TP63: variants seen among roughly 807,000 people sequenced by gnomAD.
TP63 encodes tumor protein p63.
TP63 carries 17 observed loss-of-function variants against 82.8 expected under a neutral mutation model. That is an observed-to-expected ratio of 0.21 (90% CI 0.14 to 0.31). The LOEUF is 0.31. Among genes scored for constraint, TP63 ranks in the 10% least tolerant of loss-of-function variants. TP63 has a pLI of 1.00. For synonymous variants in TP63, 330 were observed against 321.7 expected, an observed-to-expected ratio of 1.03 and a Z score of -0.28; for missense variants, 648 against 895.3, an observed-to-expected ratio of 0.72 and a Z score of 3.52.
chr3:189,745,356 G>T (rs1290238983), intron 3 of TP63, among the ~76,000 whole-genome samples: 2 of 152,090 alleles, frequency 1.3e-5, no homozygotes, highest in Non-Finnish European at 2.9e-5. Flanking sequence ...AGCAATAGAA[G>T]TCAGAAAGAT....
the TP63 span, among the ~76,000 whole-genome samples, chr3:189,604,321 A>G: frequency 6.6e-6 from 1 of 152,224 alleles, no homozygotes; most frequent in African/African-American, 2.4e-5. Flanking sequence ...AGAGGTGCTC[A>G]TTAAATTCTA....
chr3:189,680,346 A>G (rs1355120068), intron 1 of TP63, among the ~76,000 whole-genome samples: 1 of 151,956 alleles, frequency 6.6e-6, no homozygotes, highest in Non-Finnish European at 1.5e-5. Flanking sequence ...TTTTATTTTT[A>G]TACTATTTTA....
chr3:189,731,405 G>C (rs1465008657), intron 1 of TP63, among the ~76,000 whole-genome samples: 1 of 152,066 alleles, frequency 6.6e-6, no homozygotes, highest in African/African-American at 2.4e-5. Flanking sequence ...GTGAACCAGT[G>C]AACCAGTTCT....
intron 4 of TP63, among the ~76,000 whole-genome samples, chr3:189,836,388 G>A (rs553585237): frequency 1.2e-4 from 18 of 152,238 alleles, no homozygotes; most frequent in African/African-American, 4.3e-4. Flanking sequence ...CTAGCATGGG[G>A]ACTTGTAGGC....
chr3:189,822,770 A>G (rs1264293960), intron 4 of TP63, among the ~76,000 whole-genome samples: 1 of 152,206 alleles, frequency 6.6e-6, no homozygotes, highest in East Asian at 1.9e-4. Flanking sequence ...CATCAGTTGT[A>G]TAGAGCTCCT....
intron 4 of TP63, among the ~76,000 whole-genome samples, chr3:189,810,361 AC>A (rs1332527304): frequency 6.6e-6 from 1 of 152,200 alleles, no homozygotes; most frequent in Non-Finnish European, 1.5e-5. Context: ...GCTAACAGTT[AC>A]TAATTCAGTT....
intron 1 of TP63, among the ~76,000 whole-genome samples, chr3:189,722,086 T>G (rs1719435794): frequency 6.6e-6 from 1 of 151,512 alleles, no homozygotes; most frequent in Non-Finnish European, 1.5e-5. Context: ...AAGAGGAGAG[T>G]AGGAAAGGAG....
At chr3:189,693,268 A>T (rs900887400) in intron 1 of TP63, among the ~76,000 whole-genome samples, 4 of 152,202 alleles carry the variant, frequency 2.6e-5, no homozygotes, top group Admixed American at 2.6e-4. Flanking sequence ...ATTTAAACTA[A>T]TTCTTCCAAT....
At chr3:189,866,062 C>A (rs953580922) in intron 5 of TP63, among the ~76,000 whole-genome samples, 1 of 152,158 alleles carries the variant, frequency 6.6e-6, no homozygotes, top group African/African-American at 2.4e-5. Context: ...TGGAGCTCTG[C>A]TAAATATCAC....
chr3:189,824,522 C>T (rs1322973473), intron 4 of TP63, among the ~76,000 whole-genome samples: 2 of 152,104 alleles, frequency 1.3e-5, no homozygotes, highest in East Asian at 1.9e-4. Flanking sequence ...AGTGAGCCAC[C>T]GTGCCTAGCC....
At chr3:189,746,820 TAC>T (rs749639985) in intron 3 of TP63, among the ~76,000 whole-genome samples, 12 of 149,422 alleles carry the variant, frequency 8.0e-5, no homozygotes, top group South Asian at 2.1e-4. Context: ...ATATTTTATA[TAC>T]ACACACACAC....
intron 4 of TP63, among the ~76,000 whole-genome samples, chr3:189,823,487 A>C (rs929088401): frequency 2.0e-5 from 3 of 152,194 alleles, no homozygotes; most frequent in African/African-American, 7.2e-5. Flanking sequence ...CTGAGCACTC[A>C]GTCGGTGATG....
chr3:189,723,363 T>G (rs1430404823), intron 1 of TP63, among the ~76,000 whole-genome samples: 2 of 152,194 alleles, frequency 1.3e-5, no homozygotes, highest in Non-Finnish European at 2.9e-5. Flanking sequence ...AGCATTTTTC[T>G]TATCTATTAA....
At chr3:189,674,740 A>G (rs919427185) in intron 1 of TP63, among the ~76,000 whole-genome samples, 2 of 152,174 alleles carry the variant, frequency 1.3e-5, no homozygotes, top group Non-Finnish European at 2.9e-5. Context: ...AGATATACAC[A>G]TAAAATGAGC....
intron 9 of TP63, among the ~76,000 whole-genome samples, chr3:189,869,627 G>A (rs1167539159): frequency 3.3e-5 from 5 of 152,040 alleles, no homozygotes; most frequent in Admixed American, 6.6e-5. Flanking sequence ...CTATGGTCGG[G>A]TTCTGGTGAG....
At chr3:189,630,536 A>G (rs1264845843), upstream of TP63, among the ~76,000 whole-genome samples, 2 of 152,164 alleles carry the variant, frequency 1.3e-5, no homozygotes, top group African/African-American at 4.8e-5. Flanking sequence ...TGTAAGACAT[A>G]AAGAATAGAG....
At chr3:189,888,472 C>T (rs1348552578) in intron 11 of TP63, among the ~76,000 whole-genome samples, 1 of 152,020 alleles carries the variant, frequency 6.6e-6, no homozygotes, top group Non-Finnish European at 1.5e-5. Flanking sequence ...TTGTACTTTA[C>T]AATTATTTCA....
chr3:189,864,109 G>A (rs1218400639), intron 4 of TP63, 123 bp from the exon 5 acceptor site: 2 of 1,224,266 alleles, frequency 1.6e-6, no homozygotes, highest in African/African-American at 1.5e-5. Context: ...ATAGTAGCCA[G>A]TAGTAAACAG....
intron 4 of TP63, among the ~76,000 whole-genome samples, chr3:189,812,221 T>C (rs1473136125): frequency 6.6e-6 from 1 of 152,226 alleles, no homozygotes; most frequent in South Asian, 2.1e-4. Context: ...TTAAAGTATA[T>C]GTGCATTTTT....
Sources: gnomAD v4.1 joint callset for allele counts (sites outside exome capture counted in the v4.1 genomes callset) on GRCh38, gnomAD v4.1.1 for gene constraint, MANE v1.5 for transcripts, NCBI Gene and HGNC (gene_info 2026-07-23, HGNC 2026-07-21) for gene names.